LRBA: variants seen among roughly 807,000 people sequenced by gnomAD.
LRBA encodes the protein lipopolysaccharide-responsive and beige-like anchor protein.
In LRBA, 176 loss-of-function variants were observed where a neutral mutation model predicts 330.0. That is an observed-to-expected ratio of 0.53 (90% CI 0.47 to 0.60). LRBA has a LOEUF of 0.60. LRBA is among the 20% of genes least tolerant of loss of function. The probability of loss-of-function intolerance (pLI) is 0.00; values close to 1 mark genes in which losing one functional copy is unlikely to be tolerated. For synonymous variants in LRBA, 1,230 were observed against 1,193.0 expected (o/e 1.03, Z -0.64); for missense variants, 3,259 against 3,444.8 (o/e 0.95, Z 1.35).
chr4:150,429,662 T>C (rs1051008421), intron 46 of LRBA, among the ~76,000 whole-genome samples: 1 of 151,742 alleles, frequency 6.6e-6, no homozygotes, highest in African/African-American at 2.4e-5. Flanking sequence ...ATGTGGGAGG[T>C]CTGTTAGACT....
intron 35 of LRBA, among the ~76,000 whole-genome samples, chr4:150,753,832 C>T (rs1733887535): frequency 1.3e-5 from 2 of 152,148 alleles, no homozygotes; most frequent in Non-Finnish European, 2.9e-5. Flanking sequence ...CTTTGGGAGT[C>T]CAAGGTGGGA....
At chr4:150,580,746 A>C (rs1480790897) in intron 40 of LRBA, 1 of 151,500 alleles carries the variant, frequency 6.6e-6, no homozygotes, top group Non-Finnish European at 1.5e-5. Context: ...TTTTTTTTTC[A>C]CCCAAAAGTA....
intron 30 of LRBA, among the ~76,000 whole-genome samples, chr4:150,824,073 T>A (rs1745872124): frequency 6.6e-6 from 1 of 152,138 alleles, no homozygotes; most frequent in African/African-American, 2.4e-5. Flanking sequence ...ATATGAAATA[T>A]CTTTCATTTT....
At chr4:150,666,547 T>C (rs1015757477) in intron 37 of LRBA, among the ~76,000 whole-genome samples, 5 of 152,026 alleles carry the variant, frequency 3.3e-5, no homozygotes, top group African/African-American at 9.7e-5. Flanking sequence ...ATTTAAAATA[T>C]AGTAAAACAA....
intron 4 of LRBA, among the ~76,000 whole-genome samples, chr4:150,921,778 T>C (rs1733304199): frequency 6.6e-6 from 1 of 151,842 alleles, no homozygotes; most frequent in Non-Finnish European, 1.5e-5. Context: ...CAGGCTAGAG[T>C]GCAATGGCAT....
In LRBA at chr4:150,307,566, A is replaced by T. The variant is rs986601892; in HGVS notation, c.7849+2663T>A. Among the ~76,000 whole-genome samples, 32 of 132,288 alleles carry T rather than the reference A, an allele frequency of 2.4e-4. No individual in the cohort carries two copies. The Middle Eastern group carries it at 0.011, about 47-fold the overall frequency. The allele number at this position is 132,288 out of a possible 152,430, so 86.8% of individuals were successfully genotyped here. A position where few individuals can be genotyped will look rare whatever the true frequency, so the allele number is the denominator to read the frequency against. On this transcript the variant is annotated intron_variant, in intron 52 of 56. Coordinates refer to ENST00000651943, the MANE Select transcript of LRBA (RefSeq NM_001364905.1). Reference sequence around the variant, plus strand: ...GAGAACCCTGTCTCTATAAAAATTTAAAAAAAAAAAAAGCAAAAAAAACAA... The same window carrying T: ...GAGAACCCTGTCTCTATAAAAATTTTAAAAAAAAAAAAGCAAAAAAAACAA...
intron 40 of LRBA, among the ~76,000 whole-genome samples, chr4:150,519,499 G>A (rs1762706001): frequency 6.6e-6 from 1 of 152,050 alleles, no homozygotes; most frequent in Non-Finnish European, 1.5e-5. Context: ...TTCACTCACC[G>A]TAAAGTTTTT....
At chr4:151,005,040 GGAAATAGTCAA>G (rs1406775927) in intron 2 of LRBA, among the ~76,000 whole-genome samples, 2 of 151,736 alleles carry the variant, frequency 1.3e-5, no homozygotes, top group African/African-American at 2.4e-5. Flanking sequence ...TGGAGGAGAG[GGAAATAGTCAA>G]GAAATAGTCA....
At chr4:150,426,170 T>G (rs187348153) in intron 46 of LRBA, among the ~76,000 whole-genome samples, 2 of 152,118 alleles carry the variant, frequency 1.3e-5, no homozygotes, top group African/African-American at 4.8e-5. Flanking sequence ...TCTGAAAGCT[T>G]TCAAGTTGAT....
intron 35 of LRBA, among the ~76,000 whole-genome samples, chr4:150,743,640 G>T (rs10028040): frequency 0.089 from 13,600 of 152,132 alleles, 1,065 homozygotes; most frequent in African/African-American, 0.2. Flanking sequence ...GCACAACTAG[G>T]CCCATTTGTT....
chr4:150,793,967 T>C (rs1267512558), intron 34 of LRBA, among the ~76,000 whole-genome samples: 1 of 152,192 alleles, frequency 6.6e-6, no homozygotes. Flanking sequence ...ATATTTATAC[T>C]TACAATTTGT....
At chr4:150,473,638 T>A (rs1756398353) in intron 42 of LRBA, among the ~76,000 whole-genome samples, 1 of 152,160 alleles carries the variant, frequency 6.6e-6, no homozygotes, top group Admixed American at 6.6e-5. Context: ...CTTCACTTCT[T>A]ACCCCATCCC....
At chr4:150,803,068 A>C (rs1225924838) in intron 33 of LRBA, among the ~76,000 whole-genome samples, 1 of 37,930 alleles carries the variant, frequency 2.6e-5, no homozygotes, top group Non-Finnish European at 8.1e-5. Context: ...AAAACAAACA[A>C]AAAAAAAATA....
chr4:150,464,558 A>G (rs751366074), intron 44 of LRBA, among the ~76,000 whole-genome samples: 1 of 151,904 alleles, frequency 6.6e-6, no homozygotes, highest in South Asian at 2.1e-4. Context: ...TTTTCTTTTC[A>G]ATTTTTTTTA....
At chr4:150,673,908 T>C (rs1230695482) in intron 37 of LRBA, among the ~76,000 whole-genome samples, 1 of 152,174 alleles carries the variant, frequency 6.6e-6, no homozygotes, top group Non-Finnish European at 1.5e-5. Context: ...ATGAGAGTTA[T>C]AGGGAGGCTG....
intron 5 of LRBA, among the ~76,000 whole-genome samples, chr4:150,917,230 G>T (rs911544026): frequency 6.6e-6 from 1 of 151,858 alleles, no homozygotes; most frequent in Non-Finnish European, 1.5e-5. Context: ...AAGACTTTTA[G>T]TAACTTTTTA....
At chr4:150,425,011 C>T (rs1749378318) in intron 46 of LRBA, among the ~76,000 whole-genome samples, 1 of 152,112 alleles carries the variant, frequency 6.6e-6, no homozygotes. Context: ...AAGCATAATA[C>T]AGCCAAAATC....
chr4:150,973,469 A>C (rs1272723014), intron 2 of LRBA, among the ~76,000 whole-genome samples: 1 of 152,156 alleles, frequency 6.6e-6, no homozygotes, highest in East Asian at 1.9e-4. Flanking sequence ...GCTTGGCCTA[A>C]AATTAAAATT....
chr4:150,503,305 G>A (rs1339905933), intron 40 of LRBA, among the ~76,000 whole-genome samples: 1 of 152,210 alleles, frequency 6.6e-6, no homozygotes, highest in Non-Finnish European at 1.5e-5. Context: ...GCACCCCCCA[G>A]TAGGGGCGGA....
Sources: allele counts gnomAD v4.1 joint callset (sites outside exome capture counted in the v4.1 genomes callset), GRCh38; gene constraint gnomAD v4.1.1; transcripts MANE v1.5; gene names NCBI Gene and HGNC (gene_info 2026-07-23, HGNC 2026-07-21).